The following WWOX variants were observed in gnomAD, a reference collection of about 807,000 sequenced individuals.
WWOX encodes WW domain-containing oxidoreductase.
Under a neutral mutation model 46.2 loss-of-function variants are expected in WWOX, and 69 were observed. The ratio of observed to expected loss-of-function variants is 1.49; its 90% CI spans 1.23 to 1.82. The LOEUF (loss-of-function observed/expected upper bound fraction) is 1.82, where lower values mean the gene tolerates loss of function less well. Ranked by LOEUF, WWOX falls within the 40% of genes most tolerant of loss-of-function variation. The probability of loss-of-function intolerance (pLI) is 0.00; values close to 1 mark genes in which losing one functional copy is unlikely to be tolerated. For synonymous variants in WWOX, 359 were observed against 202.6 expected (o/e 1.77, Z -6.56); for missense variants, 919 against 542.6 (o/e 1.69, Z -6.89).
chr16:78,315,396 C>T (rs532067786), intron 5 of WWOX, among the ~76,000 whole-genome samples: 1 of 152,122 alleles, frequency 6.6e-6, no homozygotes. Flanking sequence ...AGCCTGTAAT[C>T]CCAGCACTTG....
At chr16:78,563,393 A>C (rs527920609) in intron 8 of WWOX, among the ~76,000 whole-genome samples, 1 of 152,026 alleles carries the variant, frequency 6.6e-6, no homozygotes, top group Non-Finnish European at 1.5e-5. Flanking sequence ...TCAGGAACAG[A>C]ACTGACAGGT....
chr16:79,046,218 A>T (rs148844225), intron 8 of WWOX, among the ~76,000 whole-genome samples: 2,113 of 152,284 alleles, frequency 0.014, 22 homozygotes, highest in South Asian at 0.029. Flanking sequence ...GTATGTATCC[A>T]AGTGTTTAGT....
At chr16:78,312,822 G>T (rs2080275311) in intron 5 of WWOX, among the ~76,000 whole-genome samples, 1 of 152,190 alleles carries the variant, frequency 6.6e-6, no homozygotes. Flanking sequence ...GAACCAACCA[G>T]ACAGGCCTAG....
intron 5 of WWOX, among the ~76,000 whole-genome samples, chr16:78,193,359 A>G (rs1184620122): frequency 6.6e-6 from 1 of 152,220 alleles, no homozygotes; most frequent in Non-Finnish European, 1.5e-5. Flanking sequence ...GTTTTATCTC[A>G]AGCTCCCAGA....
intron 8 of WWOX, among the ~76,000 whole-genome samples, chr16:79,034,658 C>T (rs1418408202): frequency 6.6e-6 from 1 of 151,642 alleles, no homozygotes; most frequent in African/African-American, 2.4e-5. Flanking sequence ...ATCTTGAATG[C>T]TTCTGTGTCA....
chr16:78,262,054 C>T lies in WWOX; in HGVS notation c.516+97765C>T, dbSNP rs113436558. On this transcript the variant is annotated intron_variant, in intron 5 of 8. Coordinates refer to ENST00000566780, the MANE Select transcript of WWOX (RefSeq NM_016373.4). ...GCAGTGAGTTGAGAGCATGCCATTG[C>T]GCTCTGCTCCAGCCTGGGCAAAAAG... Among the ~76,000 whole-genome samples, 766 of 133,550 alleles carry T rather than the reference C, an allele frequency of 5.7e-3. 8 individuals are homozygous for T. Among genetic ancestry groups the T allele is most frequent in the African/African-American group, 0.021 (737 of 34,992 alleles). The allele number at this position is 133,550 out of a possible 152,430, so 87.6% of individuals were successfully genotyped here.
intron 8 of WWOX, among the ~76,000 whole-genome samples, chr16:78,927,689 G>T (rs2045530222): frequency 6.6e-6 from 1 of 152,092 alleles, no homozygotes; most frequent in Non-Finnish European, 1.5e-5. Flanking sequence ...ACTTAATCAA[G>T]CACTTATTTA....
chr16:78,771,535 G>A (rs2050064653), intron 8 of WWOX, among the ~76,000 whole-genome samples: 1 of 152,138 alleles, frequency 6.6e-6, no homozygotes, highest in Admixed American at 6.5e-5. Flanking sequence ...ACTTTGGGAG[G>A]CTGAGATGGG....
At chr16:78,452,988 C>A (rs2083728660) in intron 8 of WWOX, among the ~76,000 whole-genome samples, 1 of 149,544 alleles carries the variant, frequency 6.7e-6, no homozygotes, top group South Asian at 2.1e-4. Flanking sequence ...CCTAAGTGAT[C>A]CTCCTCTCTC....
chr16:79,140,174 G>A (rs1210584155), intron 8 of WWOX, among the ~76,000 whole-genome samples: 1 of 152,152 alleles, frequency 6.6e-6, no homozygotes, highest in Admixed American at 6.5e-5. Context: ...TTTATCTGCA[G>A]TCCTAACAAA....
chr16:78,953,379 G>T, intron 8 of WWOX, among the ~76,000 whole-genome samples: 1 of 152,232 alleles, frequency 6.6e-6, no homozygotes, highest in Non-Finnish European at 1.5e-5. Context: ...GTATGCAAAT[G>T]GATGCTGCTA....
At chr16:78,551,433 C>A (rs1462155980) in intron 8 of WWOX, 1 of 152,106 alleles carries the variant, frequency 6.6e-6, no homozygotes. Context: ...GAGAATATTG[C>A]CCTGATGTCT....
At chr16:78,495,384 G>A (rs1038425946) in intron 8 of WWOX, among the ~76,000 whole-genome samples, 5 of 151,408 alleles carry the variant, frequency 3.3e-5, no homozygotes, top group African/African-American at 1.2e-4. Flanking sequence ...CAGGTGATCT[G>A]CCCGCCTTGG....
chr16:78,608,745 G>A (rs2045826355), intron 8 of WWOX, among the ~76,000 whole-genome samples: 1 of 152,110 alleles, frequency 6.6e-6, no homozygotes, highest in Non-Finnish European at 1.5e-5. Context: ...GGAGTACTGC[G>A]GACCCAGGAC....
At chr16:78,236,581 G>T (rs1468386161) in intron 5 of WWOX, among the ~76,000 whole-genome samples, 1 of 152,152 alleles carries the variant, frequency 6.6e-6, no homozygotes, top group African/African-American at 2.4e-5. Flanking sequence ...TGGATGGTGG[G>T]TTGCCCATTT....
At chr16:78,743,141 T>G (rs1332197018) in intron 8 of WWOX, among the ~76,000 whole-genome samples, 2 of 152,088 alleles carry the variant, frequency 1.3e-5, no homozygotes, top group South Asian at 4.2e-4. Context: ...TTTCTCTGTG[T>G]GCTGCAGCCG....
intron 8 of WWOX, among the ~76,000 whole-genome samples, chr16:79,041,407 C>G (rs763204012): frequency 6.6e-6 from 1 of 152,186 alleles, no homozygotes; most frequent in African/African-American, 2.4e-5. Flanking sequence ...CCCACCACGC[C>G]CCTTGCGGTT....
intron 8 of WWOX, among the ~76,000 whole-genome samples, chr16:78,464,743 C>T (rs1225140467): frequency 6.6e-6 from 1 of 152,040 alleles, no homozygotes; most frequent in South Asian, 2.1e-4. Context: ...CATAAAGGGC[C>T]CCATTCAGTC....
rs146024528 is a variant in WWOX, at chr16:78,157,024, T to A, written c.410-7159T>A. On this transcript the variant is annotated intron_variant, in intron 4 of 8. Coordinates refer to ENST00000566780, the MANE Select transcript of WWOX (RefSeq NM_016373.4). ...CAATCTGTTAAAAACGTAGCTGCTA[T>A]TGAATGACTAAGAATTGTTTACTCT... Among the ~76,000 whole-genome samples, 449 of 152,316 alleles carry A rather than the reference T, an allele frequency of 2.9e-3. 2 individuals are homozygous for A. Among genetic ancestry groups the A allele is most frequent in the African/African-American group, 0.01 (430 of 41,572 alleles).
Sources: gnomAD v4.1 joint callset for allele counts (sites outside exome capture counted in the v4.1 genomes callset) on GRCh38, gnomAD v4.1.1 for gene constraint, MANE v1.5 for transcripts, NCBI Gene and HGNC (gene_info 2026-07-23, HGNC 2026-07-21) for gene names.